KANK1: variants seen among roughly 807,000 people sequenced by gnomAD.
KANK1 encodes the protein KN motif and ankyrin repeat domains 1.
KANK1 carries 109 observed loss-of-function variants against 106.2 expected under a neutral mutation model. The observed-to-expected ratio is 1.03, with a 90% CI of 0.88 to 1.20. The LOEUF (loss-of-function observed/expected upper bound fraction) is 1.20, where lower values mean the gene tolerates loss of function less well. KANK1 is among the 50% of genes most tolerant of loss of function. The pLI, the probability that KANK1 is intolerant of heterozygous loss-of-function variation, is 0.00. For synonymous variants in KANK1, 873 were observed against 652.2 expected, an observed-to-expected ratio of 1.34 and a Z score of -5.16; for missense variants, 2,399 against 1,710.7, an observed-to-expected ratio of 1.40 and a Z score of -7.10.
chr9:528,107 A>G (rs1046799310), intron 1 of KANK1, among the ~76,000 whole-genome samples: 6 of 150,772 alleles, frequency 4.0e-5, no homozygotes, highest in African/African-American at 7.3e-5. Flanking sequence ...CACTCCATCG[A>G]GCCTGGGCAA....
intron 2 of KANK1, among the ~76,000 whole-genome samples, chr9:694,540 C>T (rs1452421176): frequency 2.6e-5 from 4 of 152,126 alleles, no homozygotes; most frequent in South Asian, 2.1e-4. Context: ...TGTTTTGAGA[C>T]AGATTTGGGG....
At chr9:485,325 C>T (rs1461114376) in intron 3 of KANK1, among the ~76,000 whole-genome samples, 1 of 152,226 alleles carries the variant, frequency 6.6e-6, no homozygotes, top group Non-Finnish European at 1.5e-5. Flanking sequence ...GTATAATTTA[C>T]ATACCATAAA....
At chr9:510,305 G>C (rs948174226) in intron 1 of KANK1, among the ~76,000 whole-genome samples, 6 of 152,114 alleles carry the variant, frequency 3.9e-5, no homozygotes, top group African/African-American at 1.4e-4. Flanking sequence ...CAAAGGTATT[G>C]AGCCAAGAGC....
At chr9:628,857 T>A (rs997383274) in intron 1 of KANK1, among the ~76,000 whole-genome samples, 5 of 151,976 alleles carry the variant, frequency 3.3e-5, no homozygotes, top group African/African-American at 1.2e-4. Flanking sequence ...AGTGCGCAGA[T>A]CACTTGAGGC....
intron 1 of KANK1, among the ~76,000 whole-genome samples, chr9:572,506 C>T (rs879728645): frequency 8.6e-5 from 13 of 151,770 alleles, no homozygotes; most frequent in South Asian, 2.1e-4. Context: ...GAGCCGAGAT[C>T]GCTCCACTGC....
At chr9:587,894 C>T (rs143400344) in intron 1 of KANK1, among the ~76,000 whole-genome samples, 3,296 of 152,110 alleles carry the variant, frequency 0.022, 128 homozygotes, top group African/African-American at 0.075. Flanking sequence ...GGCGAAACCC[C>T]GTCTCTAATA....
chr9:618,655 G>C (rs1421113749), intron 1 of KANK1, among the ~76,000 whole-genome samples: 1 of 152,094 alleles, frequency 6.6e-6, no homozygotes, highest in Non-Finnish European at 1.5e-5. Context: ...ATGCACAGTA[G>C]ACATTCGTGA....
intron 1 of KANK1, among the ~76,000 whole-genome samples, chr9:614,261 G>A (rs546272904): frequency 2.6e-5 from 4 of 152,296 alleles, no homozygotes; most frequent in South Asian, 2.1e-4. Context: ...TCGACCCTCA[G>A]TGTTTGTTTA....
intron 1 of KANK1, among the ~76,000 whole-genome samples, chr9:656,505 C>G (rs1404264304): frequency 2.0e-5 from 3 of 152,140 alleles, no homozygotes; most frequent in Non-Finnish European, 4.4e-5. Context: ...TGTGGCCTGT[C>G]ATTGGTCAGT....
intron 1 of KANK1, among the ~76,000 whole-genome samples, chr9:557,484 C>G (rs2061667813): frequency 6.6e-6 from 1 of 152,124 alleles, no homozygotes; most frequent in Non-Finnish European, 1.5e-5. Flanking sequence ...CCAGATGTTT[C>G]TAAATGAACT....
chr9:624,796 C>G lies in KANK1; in HGVS notation c.-83-52094C>G, dbSNP rs1044581976. 3.3e-5 allele frequency among the ~76,000 whole-genome samples: 5 copies of G among 151,968 alleles called. No individual in the cohort carries two copies. In the East Asian group the frequency reaches 5.8e-4, roughly 18 times the overall value. On this transcript the variant is annotated intron_variant, in intron 1 of 11. Transcript: ENST00000382297. ...CCTGGGTGACAGAGCGAGACTCTGT[C>G]TCAAAAAACAAACAAAAACAATATC...
intron 2 of KANK1, among the ~76,000 whole-genome samples, chr9:709,207 TGAG>T (rs1747762753): frequency 6.6e-6 from 1 of 152,348 alleles, no homozygotes; most frequent in Non-Finnish European, 1.5e-5. Context: ...TGTTTTTAAA[TGAG>T]GAGAGAAACT....
intron 1 of KANK1, among the ~76,000 whole-genome samples, chr9:594,267 T>C (rs1007707388): frequency 2.0e-5 from 3 of 151,868 alleles, no homozygotes; most frequent in African/African-American, 7.3e-5. Flanking sequence ...CACAAAGCAA[T>C]TAAATAGTAG....
At chr9:685,815 C>T (rs1406491878) in intron 2 of KANK1, among the ~76,000 whole-genome samples, 1 of 152,160 alleles carries the variant, frequency 6.6e-6, no homozygotes, top group East Asian at 1.9e-4. Flanking sequence ...TGAATTTAGT[C>T]TCACAATATT....
At chr9:729,914 C>A (rs1306638368) in intron 3 of KANK1, 137 bp from the exon 4 acceptor site, 3 of 700,054 alleles carry the variant, frequency 4.3e-6, no homozygotes, top group East Asian at 2.7e-5. Flanking sequence ...AAAGCTGGAG[C>A]GTCAAAGGGG....
At chr9:735,065 C>T (rs1240927088) in intron 7 of KANK1, among the ~76,000 whole-genome samples, 1 of 152,174 alleles carries the variant, frequency 6.6e-6, no homozygotes, top group Non-Finnish European at 1.5e-5. Context: ...TGGACTTTTC[C>T]TGGGGTGGAG....
chr9:590,819 A>G (rs916114875), intron 1 of KANK1, among the ~76,000 whole-genome samples: 2 of 151,864 alleles, frequency 1.3e-5, no homozygotes, highest in Non-Finnish European at 2.9e-5. Flanking sequence ...CTTTGGACAT[A>G]TGCATTAATG....
At chr9:612,075 G>A (rs1265844961) in intron 1 of KANK1, among the ~76,000 whole-genome samples, 2 of 152,138 alleles carry the variant, frequency 1.3e-5, no homozygotes, top group African/African-American at 4.8e-5. Context: ...TTAAAAATAG[G>A]ATTGGCTTTC....
chr9:543,759 C>T (rs966114027), intron 1 of KANK1, among the ~76,000 whole-genome samples: 1 of 152,068 alleles, frequency 6.6e-6, no homozygotes, highest in Admixed American at 6.6e-5. Flanking sequence ...AAACATAACT[C>T]TAATTGATTT....
Sources: allele counts gnomAD v4.1 joint callset (sites outside exome capture counted in the v4.1 genomes callset), GRCh38; gene constraint gnomAD v4.1.1; transcripts MANE v1.5; gene names NCBI Gene and HGNC (gene_info 2026-07-23, HGNC 2026-07-21).